ADAMTS17: variants seen among roughly 807,000 people sequenced by gnomAD.
ADAMTS17 encodes the protein A disintegrin and metalloproteinase with thrombospondin motifs 17.
In ADAMTS17, 113 loss-of-function variants were observed where a neutral mutation model predicts 141.5. That is an observed-to-expected ratio of 0.80 (90% CI 0.69 to 0.93). The LOEUF (loss-of-function observed/expected upper bound fraction) is 0.93. Ranked by LOEUF, ADAMTS17 falls within the 40% of genes least tolerant of loss-of-function variation. ADAMTS17 has a pLI of 0.00. For synonymous variants in ADAMTS17, 768 were observed against 630.6 expected (o/e 1.22, Z -3.27); for missense variants, 1,659 against 1,517.9 (o/e 1.09, Z -1.54).
intron 12 of ADAMTS17, among the ~76,000 whole-genome samples, chr15:100,123,901 A>C (rs1292424274): frequency 3.3e-5 from 5 of 152,194 alleles, no homozygotes; most frequent in Non-Finnish European, 7.4e-5. Context: ...CTGACCAGTC[A>C]TCGGGGTGTG....
chr15:100,272,198 A>T (rs1267392103), intron 4 of ADAMTS17, among the ~76,000 whole-genome samples: 1 of 152,106 alleles, frequency 6.6e-6, no homozygotes, highest in Non-Finnish European at 1.5e-5. Context: ...GTCCTTTGAG[A>T]TTTCATATTA....
intron 3 of ADAMTS17, among the ~76,000 whole-genome samples, chr15:100,284,930 G>A (rs773586130): frequency 6.4e-4 from 98 of 152,326 alleles, no homozygotes; most frequent in Admixed American, 1.2e-3. Context: ...AGCTCTGCTC[G>A]TGACCAGCTG....
chr15:100,299,833 C>T (rs538641883), intron 3 of ADAMTS17, among the ~76,000 whole-genome samples: 1 of 152,144 alleles, frequency 6.6e-6, no homozygotes, highest in Admixed American at 6.5e-5. Context: ...ACCTCTCCCC[C>T]AGTCCCCAAA....
At chr15:100,041,791 A>C (rs1359217665) in intron 18 of ADAMTS17, among the ~76,000 whole-genome samples, 1 of 152,212 alleles carries the variant, frequency 6.6e-6, no homozygotes, top group East Asian at 1.9e-4. Context: ...AAGTGGTGCT[A>C]ATGGTGTGCA....
chr15:100,316,391 A>C (rs1238124644), intron 3 of ADAMTS17, among the ~76,000 whole-genome samples: 2 of 152,210 alleles, frequency 1.3e-5, no homozygotes, highest in Non-Finnish European at 2.9e-5. Flanking sequence ...CCCGGATCAC[A>C]CTTCCATTCT....
At chr15:100,151,737 G>A (rs1051882937) in intron 10 of ADAMTS17, among the ~76,000 whole-genome samples, 2 of 152,156 alleles carry the variant, frequency 1.3e-5, no homozygotes, top group Non-Finnish European at 2.9e-5. Context: ...TGGACCACAG[G>A]CTCCTGGCCT....
chr15:100,284,136 A>AAAC (rs1567485205), intron 3 of ADAMTS17, among the ~76,000 whole-genome samples: 1 of 145,758 alleles, frequency 6.9e-6, no homozygotes, highest in Non-Finnish European at 1.5e-5. Context: ...AACAAACAAA[A>AAAC]AATCCTGTAC....
intron 18 of ADAMTS17, among the ~76,000 whole-genome samples, chr15:100,020,027 C>T (rs1358029552): frequency 1.3e-5 from 2 of 151,532 alleles, no homozygotes; most frequent in African/African-American, 2.4e-5. Context: ...AGCATAATGA[C>T]GTGGCATAGT....
intron 3 of ADAMTS17, among the ~76,000 whole-genome samples, chr15:100,297,921 A>G (rs1750559656): frequency 6.6e-6 from 1 of 152,176 alleles, no homozygotes; most frequent in African/African-American, 2.4e-5. Context: ...TGACATCCCA[A>G]GAACCAGGGA....
chr15:99,988,266 C>T (rs568252536), intron 20 of ADAMTS17, among the ~76,000 whole-genome samples: 2 of 152,236 alleles, frequency 1.3e-5, no homozygotes, highest in African/African-American at 4.8e-5. Flanking sequence ...CCTTGATGTC[C>T]TTCCCACGGT....
intron 4 of ADAMTS17, among the ~76,000 whole-genome samples, chr15:100,276,791 C>T (rs931790451): frequency 3.3e-5 from 5 of 152,228 alleles, no homozygotes; most frequent in Middle Eastern, 3.4e-3. Flanking sequence ...CCCGTCCTCC[C>T]GGCTTAAAGG....
rs140186853 is a variant in ADAMTS17 at position 100,059,762 on chromosome 15, C to T, written c.2138-5708G>A. 3.3e-4 allele frequency among the ~76,000 whole-genome samples: 50 copies of T among 152,320 alleles called. No individual in the cohort carries two copies. The East Asian group carries it at 8.7e-3, about 26-fold the overall frequency. ...CAGCTTGGGTTGCTCTCCTGCCTTGCGTTAGCTGCAGAGTGGGGTCTGCAA... is the reference window on the plus strand; with the variant it reads ...CAGCTTGGGTTGCTCTCCTGCCTTGTGTTAGCTGCAGAGTGGGGTCTGCAA... On this transcript the variant is annotated intron_variant, in intron 15 of 21. Transcript: ENST00000268070.
chr15:99,990,095 G>T (rs1015115573), intron 20 of ADAMTS17, among the ~76,000 whole-genome samples: 3 of 152,198 alleles, frequency 2.0e-5, no homozygotes, highest in African/African-American at 4.8e-5. Context: ...GAGTGCAGTG[G>T]TGCAATAATG....
chr15:100,206,498 A>G (rs899943), intron 7 of ADAMTS17, among the ~76,000 whole-genome samples: 71,652 of 152,004 alleles, frequency 0.47, 17,333 homozygotes, highest in Admixed American at 0.64. Context: ...ATTTCGGTCA[A>G]TAATTTTAAA....
chr15:100,039,021 A>G (rs2031011316), intron 18 of ADAMTS17, among the ~76,000 whole-genome samples: 1 of 152,224 alleles, frequency 6.6e-6, no homozygotes, highest in South Asian at 2.1e-4. Context: ...TCTGTAAGTT[A>G]TCTAACTTAG....
At chr15:100,015,345 T>C (rs943265464) in intron 18 of ADAMTS17, among the ~76,000 whole-genome samples, 1 of 152,248 alleles carries the variant, frequency 6.6e-6, no homozygotes, top group African/African-American at 2.4e-5. Context: ...TTACATTCAA[T>C]GTTCCTATTG....
intron 3 of ADAMTS17, among the ~76,000 whole-genome samples, chr15:100,318,182 G>C (rs948291422): frequency 3.9e-5 from 6 of 152,102 alleles, no homozygotes; most frequent in Admixed American, 2.0e-4. Context: ...CAGTCACACT[G>C]TTTCATGAGG....
intron 14 of ADAMTS17, among the ~76,000 whole-genome samples, chr15:100,103,747 T>G (rs990588978): frequency 1.8e-4 from 27 of 152,154 alleles, no homozygotes; most frequent in African/African-American, 6.3e-4. Context: ...GGCTAATTTT[T>G]GTATTTTTGG....
intron 15 of ADAMTS17, among the ~76,000 whole-genome samples, chr15:100,089,750 C>T (rs2035333880): frequency 6.8e-6 from 1 of 147,578 alleles, no homozygotes; most frequent in Non-Finnish European, 1.5e-5. Context: ...CCAAACACCG[C>T]ATGTTCTCAC....
Sources: gnomAD v4.1 joint callset for allele counts (sites outside exome capture counted in the v4.1 genomes callset) on GRCh38, gnomAD v4.1.1 for gene constraint, MANE v1.5 for transcripts, NCBI Gene and HGNC (gene_info 2026-07-23, HGNC 2026-07-21) for gene names.